Variants in TSPAN14 observed in about 807,000 individuals in gnomAD.
TSPAN14 encodes tetraspanin-14.
A neutral mutation model predicts 36.6 loss-of-function variants in TSPAN14; 16 were observed. The observed-to-expected ratio is 0.44, with a 90% CI of 0.30 to 0.66. The LOEUF (loss-of-function observed/expected upper bound fraction) is 0.66. TSPAN14 is among the 30% of genes least tolerant of loss of function. The pLI is 0.12. For missense variants in TSPAN14, 231 were observed against 355.1 expected (o/e 0.65, Z 2.81); for synonymous variants, 139 against 143.8 (o/e 0.97, Z 0.24).
intron 3 of TSPAN14, 140 bp from the exon 4 acceptor site, chr10:80,507,088 G>A (rs1001914327): frequency 8.8e-6 from 10 of 1,134,904 alleles, no homozygotes; most frequent in Admixed American, 2.2e-5. Flanking sequence ...GGATGGGGCC[G>A]GACTCTGGCC....
chr10:80,513,232 A>G (rs1840755194), intron 6 of TSPAN14, among the ~76,000 whole-genome samples: 1 of 151,998 alleles, frequency 6.6e-6, no homozygotes, highest in Non-Finnish European at 1.5e-5. Flanking sequence ...TTCCCAATCC[A>G]AGGCCAACGT....
At chr10:80,463,873 C>T (rs1308802525) in intron 1 of TSPAN14, among the ~76,000 whole-genome samples, 1 of 152,220 alleles carries the variant, frequency 6.6e-6, no homozygotes. Context: ...GGAGAAACTA[C>T]TGGGAAGGCA....
At chr10:80,508,256 C>G (rs1451215224) in intron 4 of TSPAN14, among the ~76,000 whole-genome samples, 1 of 151,976 alleles carries the variant, frequency 6.6e-6, no homozygotes, top group Non-Finnish European at 1.5e-5. Flanking sequence ...GCTGGGACTA[C>G]AGGCGCCCGC....
intron 1 of TSPAN14, among the ~76,000 whole-genome samples, chr10:80,465,771 CAG>C (rs1388297012): frequency 6.6e-6 from 1 of 152,214 alleles, no homozygotes; most frequent in Non-Finnish European, 1.5e-5. Context: ...TTGTTGAAAA[CAG>C]AGGCAGGATT....
chr10:80,466,825 A>G (rs1380063634), intron 1 of TSPAN14, among the ~76,000 whole-genome samples: 4 of 152,234 alleles, frequency 2.6e-5, no homozygotes, highest in Non-Finnish European at 5.9e-5. Context: ...TAAGGAGGCA[A>G]AAGTTACAGG....
At chr10:80,484,439 C>T (rs1847483028) in intron 1 of TSPAN14, among the ~76,000 whole-genome samples, 3 of 152,086 alleles carry the variant, frequency 2.0e-5, no homozygotes, top group Admixed American at 2.0e-4. Flanking sequence ...ATTATCCCGC[C>T]TCAGCCTCCC....
At chr10:80,474,397 T>A (rs1236444820) in intron 1 of TSPAN14, among the ~76,000 whole-genome samples, 3 of 151,172 alleles carry the variant, frequency 2.0e-5, no homozygotes, top group Non-Finnish European at 2.9e-5. Flanking sequence ...GAGAGCCAGG[T>A]AAGAGACCTT....
intron 6 of TSPAN14, among the ~76,000 whole-genome samples, chr10:80,513,329 A>G (rs925496525): frequency 6.6e-6 from 1 of 151,468 alleles, no homozygotes; most frequent in Non-Finnish European, 1.5e-5. Context: ...GAACTGGGCC[A>G]GTTGCCAGCT....
intron 1 of TSPAN14, among the ~76,000 whole-genome samples, chr10:80,474,709 A>T (rs2131980095): frequency 6.6e-6 from 1 of 152,234 alleles, no homozygotes; most frequent in South Asian, 2.1e-4. Context: ...CATCACTCTC[A>T]GGAAGCCTGG....
At chr10:80,462,539 C>T (rs1201723099) in intron 1 of TSPAN14, among the ~76,000 whole-genome samples, 2 of 152,128 alleles carry the variant, frequency 1.3e-5, no homozygotes, top group African/African-American at 4.8e-5. Flanking sequence ...TGTATTGTTC[C>T]TTAGGGGGAA....
chr10:80,502,324 A>G (rs574551000), intron 2 of TSPAN14, among the ~76,000 whole-genome samples: 1 of 152,246 alleles, frequency 6.6e-6, no homozygotes, highest in Admixed American at 6.5e-5. Flanking sequence ...ATTTTCTTCT[A>G]GGTCTGCGTG....
exon 9 of TSPAN14, chr10:80,520,571 G>A (rs1483692362): frequency 1.9e-6 from 1 of 527,018 alleles, no homozygotes. Context: ...GGTCTTTCCT[G>A]TACCCCCTCC....
intron 2 of TSPAN14, among the ~76,000 whole-genome samples, chr10:80,494,922 G>C (rs1225613200): frequency 6.6e-6 from 1 of 152,080 alleles, no homozygotes; most frequent in Non-Finnish European, 1.5e-5. Context: ...CCTCTTCCAT[G>C]CCCCAGCGTC....
intron 1 of TSPAN14, among the ~76,000 whole-genome samples, chr10:80,482,646 G>A (rs1177669111): frequency 1.3e-5 from 2 of 148,994 alleles, no homozygotes; most frequent in Non-Finnish European, 3.0e-5. Context: ...ATTGACTTTT[G>A]TTAAATGTAT....
chr10:80,481,206 G>T (rs1847254119), intron 1 of TSPAN14, among the ~76,000 whole-genome samples: 1 of 152,182 alleles, frequency 6.6e-6, no homozygotes, highest in African/African-American at 2.4e-5. Flanking sequence ...ACAAAGACTG[G>T]ATCTTCTTTA....
intron 5 of TSPAN14, among the ~76,000 whole-genome samples, chr10:80,510,765 T>G (rs907364011): frequency 6.6e-6 from 1 of 151,876 alleles, no homozygotes; most frequent in Non-Finnish European, 1.5e-5. Context: ...TCCCAGCTAC[T>G]CGGGAGGCTG....
intron 1 of TSPAN14, among the ~76,000 whole-genome samples, chr10:80,465,867 T>A (rs796880339): frequency 6.6e-6 from 1 of 152,190 alleles, no homozygotes; most frequent in African/African-American, 2.4e-5. Flanking sequence ...CTTCTTCACA[T>A]CTGAATCTCT....
chr10:80,483,783 G>A (rs553194144), intron 1 of TSPAN14, among the ~76,000 whole-genome samples: 14 of 151,592 alleles, frequency 9.2e-5, no homozygotes, highest in African/African-American at 2.2e-4. Flanking sequence ...GGTGTCGGTC[G>A]CCTGTAATCT....
intron 1 of TSPAN14, among the ~76,000 whole-genome samples, chr10:80,461,058 T>C (rs1056228735): frequency 2.0e-5 from 3 of 152,178 alleles, no homozygotes; most frequent in African/African-American, 7.2e-5. Context: ...CTTCCTTCTG[T>C]CTGAGGCCTA....
Sources: gnomAD v4.1 joint callset for allele counts (sites outside exome capture counted in the v4.1 genomes callset) on GRCh38, gnomAD v4.1.1 for gene constraint, MANE v1.5 for transcripts, NCBI Gene and HGNC (gene_info 2026-07-23, HGNC 2026-07-21) for gene names.